The following ANP32B variants were observed in gnomAD, a reference collection of about 807,000 sequenced individuals.
ANP32B encodes acidic nuclear phosphoprotein 32 family member B.
ANP32B carries 6 observed loss-of-function variants against 32.2 expected under a neutral mutation model. The ratio of observed to expected loss-of-function variants is 0.19; its 90% confidence interval spans 0.10 to 0.37. The LOEUF is 0.37. Among genes scored for constraint, ANP32B ranks in the 10% least tolerant of loss-of-function variants. The pLI is 1.00. For missense variants in ANP32B, 204 were observed against 289.2 expected, an observed-to-expected ratio of 0.71 and a Z score of 2.14; for synonymous variants, 98 against 105.8, an observed-to-expected ratio of 0.93 and a Z score of 0.45.
intron 1 of ANP32B, among the ~76,000 whole-genome samples, chr9:97,984,157 G>A (rs895139588): frequency 6.6e-6 from 1 of 150,418 alleles, no homozygotes; most frequent in African/African-American, 2.4e-5. Context: ...GGCGAGGAGG[G>A]GGCTTTTTTC....
intron 1 of ANP32B, 75 bp from the exon 2 acceptor site, chr9:97,994,556 G>T: frequency 6.8e-7 from 1 of 1,466,048 alleles, no homozygotes; most frequent in South Asian, 1.2e-5. Flanking sequence ...GGATATTTAT[G>T]GTAGAAGTTT....
chr9:97,987,353 T>C (rs1205076161), intron 1 of ANP32B, among the ~76,000 whole-genome samples: 1 of 152,180 alleles, frequency 6.6e-6, no homozygotes, highest in Non-Finnish European at 1.5e-5. Flanking sequence ...AGGAAATATT[T>C]TATATAAAAT....
chr9:97,998,425 C>A, intron 2 of ANP32B, 131 bp from the exon 3 acceptor site: 1 of 961,588 alleles, frequency 1.0e-6, no homozygotes, highest in Non-Finnish European at 1.5e-6. Flanking sequence ...AACATGCATG[C>A]CCTAATAGAA....
chr9:97,999,484 G>C (rs1006226218), intron 3 of ANP32B, among the ~76,000 whole-genome samples: 5 of 152,136 alleles, frequency 3.3e-5, no homozygotes, highest in Admixed American at 6.5e-5. Flanking sequence ...GTTGCCTAGA[G>C]TTTTGCATGG....
intron 6 of ANP32B, among the ~76,000 whole-genome samples, chr9:98,013,060 G>T (rs1042968987): frequency 6.6e-6 from 1 of 152,152 alleles, no homozygotes; most frequent in African/African-American, 2.4e-5. Context: ...GTCTTGCTCT[G>T]TCGCCCAGTC....
intron 1 of ANP32B, among the ~76,000 whole-genome samples, chr9:97,989,094 C>T (rs776282799): frequency 4.6e-5 from 7 of 152,168 alleles, no homozygotes; most frequent in Non-Finnish European, 1.0e-4. Context: ...TTTCCATCTC[C>T]TGTGGCCCCC....
intron 4 of ANP32B, among the ~76,000 whole-genome samples, chr9:98,009,375 C>T (rs925374698): frequency 2.6e-5 from 4 of 152,194 alleles, no homozygotes; most frequent in African/African-American, 9.7e-5. Flanking sequence ...TTCTCACGTA[C>T]AGGTGGCTTA....
intron 1 of ANP32B, among the ~76,000 whole-genome samples, chr9:97,990,857 G>C (rs1042651389): frequency 5.8e-5 from 8 of 137,018 alleles, no homozygotes; most frequent in Admixed American, 4.9e-4. Context: ...TCTTGCTCTG[G>C]TGCCCAGGCT....
At chr9:97,985,076 C>T (rs552776215) in intron 1 of ANP32B, among the ~76,000 whole-genome samples, 18 of 150,288 alleles carry the variant, frequency 1.2e-4, no homozygotes, top group Admixed American at 2.0e-4. Context: ...GCCCCCCCCC[C>T]GCCGCGGACC....
chr9:98,011,434 A>G, intron 5 of ANP32B, 45 bp downstream of exon 5: 1 of 1,556,606 alleles, frequency 6.4e-7, no homozygotes, highest in Non-Finnish European at 8.7e-7. Context: ...TGTAATTACA[A>G]CAAAAGTGGG....
intron 1 of ANP32B, 126 bp downstream of exon 1, chr9:97,983,735 A>ACGGGGAAGGCGGG (rs1827640205): frequency 4.4e-6 from 3 of 682,834 alleles, no homozygotes; most frequent in Non-Finnish European, 6.4e-6. Context: ...GTGGGCTCGG[A>ACGGGGAAGGCGGG]CGGGGAAGGC....
intron 1 of ANP32B, among the ~76,000 whole-genome samples, chr9:97,984,952 G>T (rs1217970105): frequency 6.6e-6 from 1 of 151,086 alleles, no homozygotes; most frequent in Non-Finnish European, 1.5e-5. Context: ...CGCCTTGCGG[G>T]CTGTAGGGGC....
intron 6 of ANP32B, among the ~76,000 whole-genome samples, chr9:98,013,760 G>A (rs987273733): frequency 3.9e-5 from 6 of 151,942 alleles, no homozygotes; most frequent in Admixed American, 3.3e-4. Flanking sequence ...TTAGTCAGGC[G>A]TGGTGGCACG....
At chr9:98,006,316 G>A (rs886687412) in intron 4 of ANP32B, among the ~76,000 whole-genome samples, 7 of 152,208 alleles carry the variant, frequency 4.6e-5, no homozygotes, top group African/African-American at 1.7e-4. Context: ...TTGTACAGCT[G>A]TATCTGGTGA....
chr9:97,985,042 T>A (rs967803057), intron 1 of ANP32B, among the ~76,000 whole-genome samples: 2 of 149,400 alleles, frequency 1.3e-5, no homozygotes, highest in Non-Finnish European at 3.0e-5. Context: ...CTCCCGGGTT[T>A]AGCGCGGCTG....
At chr9:98,014,356 C>T (rs1361740849) in intron 6 of ANP32B, among the ~76,000 whole-genome samples, 2 of 150,156 alleles carry the variant, frequency 1.3e-5, no homozygotes, top group Non-Finnish European at 3.0e-5. Context: ...TGCAGTGAGC[C>T]GAGATCAAGC....
chr9:97,993,993 C>T (rs2131583765), intron 1 of ANP32B, among the ~76,000 whole-genome samples: 1 of 152,286 alleles, frequency 6.6e-6, no homozygotes, highest in African/African-American at 2.4e-5. Context: ...CCTGAAAATG[C>T]AATTTAATTT....
At chr9:97,997,325 C>T (rs1827921203) in intron 2 of ANP32B, among the ~76,000 whole-genome samples, 1 of 152,162 alleles carries the variant, frequency 6.6e-6, no homozygotes, top group African/African-American at 2.4e-5. Flanking sequence ...TTAATAACAC[C>T]TTAAGCAGCT....
intron 1 of ANP32B, among the ~76,000 whole-genome samples, chr9:97,992,200 C>T (rs967254500): frequency 3.9e-5 from 6 of 152,154 alleles, no homozygotes; most frequent in African/African-American, 1.4e-4. Flanking sequence ...AGCAATTCTC[C>T]TGCCTCAGCC....
Sources: gnomAD v4.1 joint callset for allele counts (sites outside exome capture counted in the v4.1 genomes callset) on GRCh38, gnomAD v4.1.1 for gene constraint, MANE v1.5 for transcripts, NCBI Gene and HGNC (gene_info 2026-07-23, HGNC 2026-07-21) for gene names.